The following NFKBIZ variants were observed in gnomAD, a reference collection of about 807,000 sequenced individuals.
The protein encoded by NFKBIZ is NFKB inhibitor zeta.
A neutral mutation model predicts 76.8 loss-of-function variants in NFKBIZ; 19 were observed. The ratio of observed to expected loss-of-function variants is 0.25; its 90% CI spans 0.17 to 0.36. NFKBIZ has a LOEUF of 0.36. Ranked by LOEUF, NFKBIZ falls within the 10% of genes least tolerant of loss-of-function variation. The pLI is 1.00. For synonymous variants in NFKBIZ, 368 were observed against 354.8 expected (o/e 1.04, Z -0.42); for missense variants, 829 against 910.9 (o/e 0.91, Z 1.16).
At chr3:101,834,968 T>C (rs1438008413) in intron 2 of NFKBIZ, among the ~76,000 whole-genome samples, 1 of 152,188 alleles carries the variant, frequency 6.6e-6, no homozygotes. Flanking sequence ...TATGTTCTCT[T>C]CAAGTTGGGC....
At chr3:101,859,060 C>T (rs1943097475) in intron 11 of NFKBIZ, among the ~76,000 whole-genome samples, 1 of 152,152 alleles carries the variant, frequency 6.6e-6, no homozygotes, top group South Asian at 2.1e-4. Context: ...TTTTCAACTT[C>T]AGATAATTTT....
intron 10 of NFKBIZ, 51 bp downstream of exon 10, chr3:101,857,234 C>G: frequency 6.5e-7 from 1 of 1,535,298 alleles, no homozygotes. Context: ...AGTTTTTGAG[C>G]TCCTTTCATG....
intron 1 of NFKBIZ, among the ~76,000 whole-genome samples, chr3:101,851,352 T>C (rs1942960029): frequency 6.6e-6 from 1 of 152,238 alleles, no homozygotes; most frequent in Non-Finnish European, 1.5e-5. Flanking sequence ...ATATTTCCTT[T>C]TTACTTAGAA....
At chr3:101,857,648 T>G in intron 11 of NFKBIZ, 189 bp downstream of exon 11, 1 of 985,420 alleles carries the variant, frequency 1.0e-6, no homozygotes, top group Non-Finnish European at 1.2e-6. Context: ...TTAAGAAATT[T>G]GAGGGATTAT....
At chr3:101,846,299 G>T (rs1161186248), upstream of NFKBIZ, among the ~76,000 whole-genome samples, 2 of 152,314 alleles carry the variant, frequency 1.3e-5, no homozygotes, top group Non-Finnish European at 2.9e-5. Context: ...TATTTGATTA[G>T]AACAATGGCA....
At position 101,852,177 on chromosome 3, in the gene NFKBIZ, C is replaced by G; in HGVS notation, c.382C>G (p.Arg128Gly). ...NSVKELLLHIRSHKQKASGQA... is the reference protein window; with the variant it reads ...NSVKELLLHIGSHKQKASGQA... ...AGTGAAGGAACTCCTGTTGCACATCCGAAGTCATAAACAGAAGGCTTCTGG... is the reference window on the plus strand; with the variant it reads ...AGTGAAGGAACTCCTGTTGCACATCGGAAGTCATAAACAGAAGGCTTCTGG... The change falls in exon 2 of 12, where the codon CGA (arginine) becomes GGA (glycine). Residue 128 changes from arginine to glycine, a missense_variant. Physicochemically the swap from Arg to Gly is moderately radical, Grantham distance 125. Around this residue, in one of 4 missense-constraint regions of NFKBIZ, gnomAD observed 371 missense variants for 332.3 expected, o/e 1.12. Transcript: ENST00000326172. 6.2e-7 allele frequency: 1 copy of G among 1,614,164 alleles called. No individual in the cohort carries two copies.
At chr3:101,836,556 C>T (rs574768028) in intron 2 of NFKBIZ, among the ~76,000 whole-genome samples, 11 of 152,194 alleles carry the variant, frequency 7.2e-5, no homozygotes, top group Middle Eastern at 3.4e-3. Flanking sequence ...GAAGCGTGTC[C>T]GGAACATTGT....
At chr3:101,858,402 G>T in intron 11 of NFKBIZ, 1 of 985,176 alleles carries the variant, frequency 1.0e-6, no homozygotes. Context: ...ATTCAGAGAG[G>T]TTCCAAGGAC....
At chr3:101,858,597 C>T (rs933711207) in intron 11 of NFKBIZ, among the ~76,000 whole-genome samples, 6 of 152,136 alleles carry the variant, frequency 3.9e-5, no homozygotes, top group African/African-American at 1.4e-4. Flanking sequence ...GTGTGTTGGG[C>T]AGGTAGAGGC....
At chr3:101,835,441 C>G (rs1055147370) in intron 2 of NFKBIZ, among the ~76,000 whole-genome samples, 1 of 152,188 alleles carries the variant, frequency 6.6e-6, no homozygotes, top group Non-Finnish European at 1.5e-5. Context: ...TAACACAATA[C>G]CACAGGCTGC....
intron 2 of NFKBIZ, among the ~76,000 whole-genome samples, chr3:101,832,201 G>A (rs1219649937): frequency 6.6e-6 from 1 of 152,116 alleles, no homozygotes; most frequent in Admixed American, 6.5e-5. Context: ...GGACCCCAAA[G>A]TGCTGGGATA....
At chr3:101,848,301 A>C (rs774657487), upstream of NFKBIZ, among the ~76,000 whole-genome samples, 1 of 152,212 alleles carries the variant, frequency 6.6e-6, no homozygotes, top group African/African-American at 2.4e-5. Context: ...TCCTCTTGAC[A>C]ATCGTAAAAG....
At chr3:101,847,055 T>TTC, upstream of NFKBIZ, among the ~76,000 whole-genome samples, 1 of 152,278 alleles carries the variant, frequency 6.6e-6, no homozygotes, top group East Asian at 1.9e-4. Flanking sequence ...AGGCTTTTTG[T>TTC]TCTATTCTGG....
At chr3:101,858,251 A>G (rs1007752845) in intron 11 of NFKBIZ, 7 of 981,158 alleles carry the variant, frequency 7.1e-6, no homozygotes, top group Admixed American at 1.2e-4. Context: ...CATTATGACC[A>G]TAATGTTATA....
intron 1 of NFKBIZ, among the ~76,000 whole-genome samples, chr3:101,850,595 G>A (rs527729302): frequency 6.6e-6 from 1 of 152,214 alleles, no homozygotes; most frequent in African/African-American, 2.4e-5. Flanking sequence ...GCTGCGAATT[G>A]GTTTCCTTTC....
At chr3:101,857,050 T>TC (rs1943059293) in intron 9 of NFKBIZ, 23 bp from the exon 10 acceptor site, 3 of 1,497,910 alleles carry the variant, frequency 2.0e-6, no homozygotes, top group South Asian at 1.2e-5. Context: ...TTTTTTTTTT[T>TC]CCTCCCTCTT....
rs958107572 is a variant in NFKBIZ at position 101,849,752 on chromosome 3, G to A, written c.124G>A (p.Ala42Thr). The A allele has an allele frequency of 3.4e-6, 5 of 1,449,380 alleles. No homozygotes were observed. The highest frequency in any genetic ancestry group is 2.3e-4 in the Middle Eastern group (1 of 4,348). 89.8% of individuals were successfully genotyped at this position (1,449,380 alleles called of 1,614,324 possible). A position where few individuals can be genotyped will look rare whatever the true frequency, so the allele number is the denominator to read the frequency against. ...LSYFYGASPP[A>T]AAPGACDASC... ...CTACTTCTACGGCGCGTCGCCGCCC[G>A]CCGCCGCCCCGGGCGCCTGCGACGC... The change falls in exon 1 of 12, where the codon GCC (alanine) becomes ACC (threonine). Residue 42 changes from alanine to threonine, a missense_variant. This residue lies in a region of NFKBIZ where 181 missense variants were observed against 175.3 expected (regional missense o/e 1.03). Coordinates refer to ENST00000326172, the MANE Select transcript of NFKBIZ (RefSeq NM_031419.4).
intron 11 of NFKBIZ, chr3:101,857,920 C>G (rs1220270255): frequency 2.3e-6 from 2 of 858,664 alleles, no homozygotes; most frequent in African/African-American, 3.6e-5. Flanking sequence ...TTATTTCTGT[C>G]TATGAAGTGA....
At position 101,860,500 on chromosome 3, in the gene NFKBIZ, C is replaced by T. The variant is rs781346895; in HGVS notation, c.*1129C>T. ...CTGGCAGTTGCATGGAAGAGAACAC[C>T]TCTTTATGGCTTACCCTCTAGAATT... On this transcript the variant is annotated 3_prime_UTR_variant, in exon 12 of 12. Coordinates refer to ENST00000326172, the MANE Select transcript of NFKBIZ (RefSeq NM_031419.4). 5.9e-5 allele frequency: 9 copies of T among 152,044 alleles called. No homozygotes were observed. Among genetic ancestry groups the T allele is most frequent in the Non-Finnish European group, 1.3e-4 (9 of 68,010 alleles). The allele number at this position is 152,044 out of a possible 1,614,324, so 9.4% of individuals were successfully genotyped here.
Sources: gnomAD v4.1 joint callset for allele counts (sites outside exome capture counted in the v4.1 genomes callset) on GRCh38, gnomAD v4.1.1 for gene constraint, gnomAD v4.1.1 regional missense constraint, MANE v1.5 for transcripts, NCBI Gene and HGNC (gene_info 2026-07-23, HGNC 2026-07-21) for gene names.